NALCN: variants seen among roughly 807,000 people sequenced by gnomAD.
The protein encoded by NALCN is sodium leak channel, non-selective.
NALCN carries 111 observed loss-of-function variants against 225.3 expected under a neutral mutation model. The ratio of observed to expected loss-of-function variants is 0.49; its 90% CI spans 0.42 to 0.58. NALCN has a LOEUF of 0.58. Ranked by LOEUF, NALCN falls within the 20% of genes least tolerant of loss-of-function variation. The pLI is 0.00. For synonymous variants in NALCN, 764 were observed against 769.0 expected (o/e 0.99, Z 0.11); for missense variants, 1,378 against 2,202.4 (o/e 0.63, Z 7.49).
At chr13:101,156,499 T>A (rs559259752) in intron 15 of NALCN, among the ~76,000 whole-genome samples, 1 of 152,304 alleles carries the variant, frequency 6.6e-6, no homozygotes, top group East Asian at 1.9e-4. Flanking sequence ...TACGTATGTA[T>A]CTTACATAAC....
At chr13:101,116,555 A>G (rs1212886534) in intron 18 of NALCN, 1 of 516,062 alleles carries the variant, frequency 1.9e-6, no homozygotes, top group South Asian at 1.4e-5. Flanking sequence ...TTCTTTCTTA[A>G]TGTCCCAGAA....
intron 13 of NALCN, among the ~76,000 whole-genome samples, chr13:101,210,442 C>T (rs951796728): frequency 2.6e-5 from 4 of 151,978 alleles, no homozygotes; most frequent in African/African-American, 7.3e-5. Flanking sequence ...TGTTTAGTTC[C>T]GTATATGTAA....
rs572200405 is a variant in NALCN at position 101,178,060 on chromosome 13, T to A, written c.1765-1686A>T. 5.8e-4 allele frequency among the ~76,000 whole-genome samples: 89 copies of A among 152,302 alleles called. 1 individual carries two copies. The highest frequency in any genetic ancestry group is 2.1e-3 in the African/African-American group (86 of 41,576). On this transcript the variant is annotated intron_variant, in intron 14 of 43. Transcript: ENST00000251127. The stretch of plus-strand genomic sequence containing the variant: ...CTGGTACACCACTGGTAACTGGGCA[T>A]CAGGCTTATTCTGAACCAGACATCA...
At chr13:101,402,775 T>A (rs1000998495) in intron 1 of NALCN, among the ~76,000 whole-genome samples, 1 of 152,216 alleles carries the variant, frequency 6.6e-6, no homozygotes, top group Admixed American at 6.5e-5. Context: ...CCATCATGAA[T>A]GAAGATTCAG....
intron 10 of NALCN, among the ~76,000 whole-genome samples, chr13:101,263,841 T>C (rs1417966525): frequency 6.6e-6 from 1 of 152,210 alleles, no homozygotes; most frequent in African/African-American, 2.4e-5. Flanking sequence ...TTAAAATCAG[T>C]AACTCCAGCT....
At chr13:101,172,548 T>G (rs2038773596) in intron 15 of NALCN, among the ~76,000 whole-genome samples, 1 of 152,116 alleles carries the variant, frequency 6.6e-6, no homozygotes, top group Non-Finnish European at 1.5e-5. Flanking sequence ...TGTTGCATGT[T>G]AACACCCCCA....
At chr13:101,070,773 T>G (rs1420242577) in intron 37 of NALCN, among the ~76,000 whole-genome samples, 1 of 152,132 alleles carries the variant, frequency 6.6e-6, no homozygotes, top group East Asian at 1.9e-4. Context: ...ACAGGCAGGG[T>G]AGATTTAGCA....
intron 13 of NALCN, among the ~76,000 whole-genome samples, chr13:101,216,769 G>A (rs1369767151): frequency 6.6e-6 from 1 of 152,062 alleles, no homozygotes; most frequent in Non-Finnish European, 1.5e-5. Flanking sequence ...TCATTTTGGT[G>A]GCAAGAGGAA....
At chr13:101,301,849 A>G (rs2043983995) in intron 7 of NALCN, among the ~76,000 whole-genome samples, 1 of 152,156 alleles carries the variant, frequency 6.6e-6, no homozygotes, top group Admixed American at 6.5e-5. Context: ...GTGAGTCAGT[A>G]CACCCTGGAC....
chr13:101,106,536 G>A (rs2035110687), intron 22 of NALCN, among the ~76,000 whole-genome samples: 2 of 152,096 alleles, frequency 1.3e-5, no homozygotes, highest in South Asian at 2.1e-4. Flanking sequence ...TTGGCTCTGC[G>A]TCCCTACCCA....
At chr13:101,351,880 G>A (rs891726348) in intron 6 of NALCN, among the ~76,000 whole-genome samples, 18 of 152,042 alleles carry the variant, frequency 1.2e-4, no homozygotes, top group African/African-American at 2.4e-4. Flanking sequence ...TCCTCTCTTC[G>A]TTATTCACAA....
chr13:101,226,643 C>G (rs564186973), intron 13 of NALCN, among the ~76,000 whole-genome samples: 3 of 96,856 alleles, frequency 3.1e-5, no homozygotes, highest in Admixed American at 2.7e-4. Flanking sequence ...TGGCCAAAAT[C>G]CTATGTGTGA....
chr13:101,173,024 C>T (rs979436871), intron 15 of NALCN, among the ~76,000 whole-genome samples: 1 of 152,154 alleles, frequency 6.6e-6, no homozygotes, highest in Non-Finnish European at 1.5e-5. Flanking sequence ...GTTATGTAGG[C>T]GTCTGAGGAG....
intron 15 of NALCN, among the ~76,000 whole-genome samples, chr13:101,155,587 G>A (rs1486427036): frequency 6.6e-6 from 1 of 152,144 alleles, no homozygotes; most frequent in Non-Finnish European, 1.5e-5. Context: ...GTCCTTACTT[G>A]GGTAAGGTGA....
intron 28 of NALCN, among the ~76,000 whole-genome samples, chr13:101,094,796 T>C (rs1457067767): frequency 6.6e-6 from 1 of 152,190 alleles, no homozygotes; most frequent in African/African-American, 2.4e-5. Flanking sequence ...TGAAATGCTG[T>C]TCCTTTTAAA....
At chr13:101,070,608 G>A (rs2139452622) in intron 37 of NALCN, among the ~76,000 whole-genome samples, 2 of 152,296 alleles carry the variant, frequency 1.3e-5, no homozygotes, top group Admixed American at 1.3e-4. Flanking sequence ...CAGCTCTTGG[G>A]TGACCAGGTA....
At chr13:101,322,970 C>T (rs2044805545) in intron 7 of NALCN, among the ~76,000 whole-genome samples, 1 of 152,078 alleles carries the variant, frequency 6.6e-6, no homozygotes, top group South Asian at 2.1e-4. Context: ...GCCTTGGCCT[C>T]CCAAAGTGCT....
chr13:101,222,411 C>T (rs1353552255), intron 13 of NALCN, among the ~76,000 whole-genome samples: 1 of 152,138 alleles, frequency 6.6e-6, no homozygotes, highest in Non-Finnish European at 1.5e-5. Context: ...CTTTTACCCT[C>T]AATACCGATT....
intron 22 of NALCN, among the ~76,000 whole-genome samples, chr13:101,106,634 C>T (rs1242452517): frequency 6.6e-6 from 1 of 152,082 alleles, no homozygotes; most frequent in Non-Finnish European, 1.5e-5. Context: ...GGGCGGTTCC[C>T]CCATACTGTT....
Sources: gnomAD v4.1 joint callset for allele counts (sites outside exome capture counted in the v4.1 genomes callset) on GRCh38, gnomAD v4.1.1 for gene constraint, MANE v1.5 for transcripts, NCBI Gene and HGNC (gene_info 2026-07-23, HGNC 2026-07-21) for gene names.